Variants in SOX5 observed in about 807,000 individuals in gnomAD.
The protein encoded by SOX5 is SRY-box transcription factor 5, also known as transcription factor SOX-5.
In SOX5, 9 loss-of-function variants were observed where a neutral mutation model predicts 92.0. The ratio of observed to expected loss-of-function variants is 0.10; its 90% CI spans 0.06 to 0.17. The LOEUF (loss-of-function observed/expected upper bound fraction) is 0.17, where lower values mean the gene tolerates loss of function less well. Among genes scored for constraint, SOX5 ranks in the 10% least tolerant of loss-of-function variants. SOX5 has a pLI of 1.00. For synonymous variants in SOX5, 344 were observed against 336.3 expected, an observed-to-expected ratio of 1.02 and a Z score of -0.25; for missense variants, 642 against 944.5, an observed-to-expected ratio of 0.68 and a Z score of 4.20.
intron 4 of SOX5, among the ~76,000 whole-genome samples, chr12:24,137,242 C>T (rs2047013109): frequency 6.6e-6 from 1 of 152,128 alleles, no homozygotes; most frequent in African/African-American, 2.4e-5. Flanking sequence ...AATGAATCTA[C>T]ACTGGGCAAG....
rs1592210706 is a variant in SOX5 at position 23,575,812 on chromosome 12, T to C, written c.1191A>G (p.Leu397=). ...CATCAGAGGTCTTGGGTTTAGCTGA[T>C]AGGTTCAGTGGCTGTGCCACTTCAT... ...SKDEVAQPLN[L]SAKPKTSDGK... Residue 397 remains leucine (L), a synonymous_variant, in exon 10 of 15, where the codon CTA becomes CTG. Transcript: ENST00000451604. The C allele has an allele frequency of 1.3e-6, 2 of 1,596,250 alleles. No individual in the cohort carries two copies. The highest frequency in any genetic ancestry group is 1.7e-6 in the Non-Finnish European group (2 of 1,171,716).
At chr12:23,970,973 T>C (rs996283174) in intron 4 of SOX5, among the ~76,000 whole-genome samples, 22 of 148,528 alleles carry the variant, frequency 1.5e-4, no homozygotes, top group Non-Finnish European at 7.4e-5. Context: ...ATAGTATATT[T>C]AGCTTATTGA....
chr12:24,289,384 G>A (rs184189732), intron 2 of SOX5, among the ~76,000 whole-genome samples: 3 of 151,748 alleles, frequency 2.0e-5, no homozygotes, highest in East Asian at 3.9e-4. Context: ...AATCTCTTGC[G>A]TTTCTGTACT....
intron 4 of SOX5, among the ~76,000 whole-genome samples, chr12:24,017,970 C>T (rs17481050): frequency 0.14 from 21,129 of 152,248 alleles, 1,857 homozygotes; most frequent in Non-Finnish European, 0.2. Context: ...AGGATCCACT[C>T]TGCTCCCGTT....
chr12:23,571,224 T>C (rs2136574068), intron 10 of SOX5, among the ~76,000 whole-genome samples: 1 of 151,990 alleles, frequency 6.6e-6, no homozygotes, highest in African/African-American at 2.4e-5. Context: ...AATATCCTCC[T>C]TTAAGTCATC....
At chr12:23,579,159 C>G (rs1010845934) in intron 9 of SOX5, among the ~76,000 whole-genome samples, 5 of 152,076 alleles carry the variant, frequency 3.3e-5, no homozygotes, top group Non-Finnish European at 7.4e-5. Flanking sequence ...CTATTACATG[C>G]CCATGCTGAA....
chr12:23,772,169 A>T (rs2094955047), intron 3 of SOX5, among the ~76,000 whole-genome samples: 1 of 152,250 alleles, frequency 6.6e-6, no homozygotes, highest in Admixed American at 6.5e-5. Flanking sequence ...CCAATTCAAT[A>T]AAGCATAAGA....
chr12:24,253,082 T>C lies in SOX5; in HGVS notation c.-77+24134A>G, dbSNP rs539158389. Reference sequence around the variant, plus strand: ...CTAGGAAACAAGAGATACAGAGACATTGAGATAAGAAAAGAAAGACAAAAA... The same window carrying C: ...CTAGGAAACAAGAGATACAGAGACACTGAGATAAGAAAAGAAAGACAAAAA... On this transcript the variant is annotated intron_variant, in intron 3 of 4. Transcript: ENST00000446891. 1.7e-4 allele frequency among the ~76,000 whole-genome samples: 26 copies of C among 151,426 alleles called. No homozygotes were observed. The South Asian group carries it at 2.1e-3, about 12-fold the overall frequency.
chr12:23,697,484 CT>C (rs1461502741), intron 6 of SOX5, among the ~76,000 whole-genome samples: 1 of 152,090 alleles, frequency 6.6e-6, no homozygotes, highest in African/African-American at 2.4e-5. Flanking sequence ...TGTCTTCCTT[CT>C]TTTTTGTTAA....
chr12:24,110,242 G>A (rs1005842354), intron 4 of SOX5, among the ~76,000 whole-genome samples: 9 of 152,110 alleles, frequency 5.9e-5, no homozygotes, highest in African/African-American at 2.2e-4. Flanking sequence ...AAAACTTCAT[G>A]ACAAACCTAC....
In SOX5 at chr12:24,025,222, A is replaced by G. The variant is rs140088666; in HGVS notation, c.-1-129198T>C. Among the ~76,000 whole-genome samples the G allele has an allele frequency of 3.9e-3, 599 of 152,098 alleles. 9 individuals carry two copies. The highest frequency in any genetic ancestry group is 2.4e-3 in the Non-Finnish European group (165 of 67,928). On this transcript the variant is annotated intron_variant, in intron 4 of 4. Coordinates refer to the SOX5 transcript ENST00000446891. ...AGGATGGGCCTTTGTGTTGAAGGCT[A>G]ACATGAGAGTGAGAAATGGAAAGAT... is the stretch of plus-strand genomic sequence containing the variant.
chr12:24,458,313 A>G (rs1943243704), intron 1 of SOX5, among the ~76,000 whole-genome samples: 1 of 152,200 alleles, frequency 6.6e-6, no homozygotes, highest in South Asian at 2.1e-4. Context: ...TATTTGGTTC[A>G]GTGTCTTCTC....
At chr12:24,246,984 T>G (rs1004032740) in intron 3 of SOX5, among the ~76,000 whole-genome samples, 1 of 152,170 alleles carries the variant, frequency 6.6e-6, no homozygotes, top group Admixed American at 6.5e-5. Context: ...GATGACGGCA[T>G]GTAAAAATCA....
chr12:23,997,095 T>C (rs1951101016), intron 4 of SOX5, among the ~76,000 whole-genome samples: 1 of 152,126 alleles, frequency 6.6e-6, no homozygotes, highest in Admixed American at 6.6e-5. Context: ...CCATTTCAGA[T>C]CTGAAAATTG....
At chr12:24,023,103 T>C (rs1954500398) in intron 4 of SOX5, among the ~76,000 whole-genome samples, 1 of 152,110 alleles carries the variant, frequency 6.6e-6, no homozygotes, top group African/African-American at 2.4e-5. Flanking sequence ...ATTTAATGGC[T>C]ACCAAAAAAG....
At chr12:24,423,177 G>A (rs1258857571) in intron 1 of SOX5, among the ~76,000 whole-genome samples, 1 of 152,220 alleles carries the variant, frequency 6.6e-6, no homozygotes, top group South Asian at 2.1e-4. Context: ...AGGCATAAAT[G>A]TACTGTGCAA....
At chr12:24,008,386 C>T (rs145094202) in intron 4 of SOX5, among the ~76,000 whole-genome samples, 131 of 152,176 alleles carry the variant, frequency 8.6e-4, no homozygotes, top group African/African-American at 2.9e-3. Context: ...TAAATGAAGA[C>T]ACTCAAGAAG....
At chr12:23,949,713 TC>T (rs1235652884), upstream of SOX5, 80 of 1,271,954 alleles carry the variant, frequency 6.3e-5, no homozygotes, top group East Asian at 8.7e-4. Context: ...CTCTGTCTCT[TC>T]CCCCCCTCCC....
At chr12:23,998,398 G>A (rs1449944870) in intron 4 of SOX5, among the ~76,000 whole-genome samples, 1 of 151,926 alleles carries the variant, frequency 6.6e-6, no homozygotes, top group Non-Finnish European at 1.5e-5. Context: ...AAGAAGGTTA[G>A]AAGAAAAAAG....
Sources: gnomAD v4.1 joint callset for allele counts (sites outside exome capture counted in the v4.1 genomes callset) on GRCh38, gnomAD v4.1.1 for gene constraint, MANE v1.5 for transcripts, NCBI Gene and HGNC (gene_info 2026-07-23, HGNC 2026-07-21) for gene names.